Variants in MACROD2 observed in about 807,000 individuals in gnomAD.
MACROD2 encodes the protein mono-ADP ribosylhydrolase 2, also known as ADP-ribose glycohydrolase MACROD2.
A neutral mutation model predicts 70.4 loss-of-function variants in MACROD2; 36 were observed. The ratio of observed to expected loss-of-function variants is 0.51; its 90% CI spans 0.39 to 0.68. MACROD2 has a LOEUF of 0.68. MACROD2 is among the 30% of genes least tolerant of loss of function. The pLI, the probability that MACROD2 is intolerant of heterozygous loss-of-function variation, is 0.00. For missense variants in MACROD2, 496 were observed against 538.4 expected (o/e 0.92, Z 0.78); for synonymous variants, 172 against 178.8 (o/e 0.96, Z 0.30).
chr20:15,173,623 G>T (rs1473020939), intron 5 of MACROD2, among the ~76,000 whole-genome samples: 4 of 149,602 alleles, frequency 2.7e-5, no homozygotes, highest in African/African-American at 1.0e-4. Flanking sequence ...TTCAAGCTGT[G>T]TTTTAATTCA....
intron 4 of MACROD2, among the ~76,000 whole-genome samples, chr20:14,637,281 A>T (rs1267267763): frequency 6.6e-6 from 1 of 152,214 alleles, no homozygotes; most frequent in Non-Finnish European, 1.5e-5. Context: ...CTTTAAGAAG[A>T]AGAAAAAATC....
intron 10 of MACROD2, among the ~76,000 whole-genome samples, chr20:15,910,256 G>A (rs1206138145): frequency 6.6e-6 from 1 of 152,176 alleles, no homozygotes; most frequent in African/African-American, 2.4e-5. Context: ...AATCAAGTGT[G>A]AGCTTCAAGT....
intron 12 of MACROD2, among the ~76,000 whole-genome samples, chr20:15,956,966 A>G (rs1182598287): frequency 6.6e-6 from 1 of 152,248 alleles, no homozygotes; most frequent in African/African-American, 2.4e-5. Flanking sequence ...TGCAATTAAA[A>G]TTCACTTTCA....
chr20:14,006,484 T>G (rs1487866065), intron 2 of MACROD2, among the ~76,000 whole-genome samples: 3 of 152,332 alleles, frequency 2.0e-5, no homozygotes, highest in African/African-American at 7.2e-5. Flanking sequence ...ATGGCATATT[T>G]TTGTTGTTTT....
chr20:14,768,534 G>C (rs2072121977), intron 5 of MACROD2, among the ~76,000 whole-genome samples: 1 of 151,954 alleles, frequency 6.6e-6, no homozygotes, highest in African/African-American at 2.4e-5. Context: ...GCCTAGGCTT[G>C]TCTCAAGCAC....
At chr20:15,159,726 A>G (rs2076334604) in intron 5 of MACROD2, among the ~76,000 whole-genome samples, 2 of 151,908 alleles carry the variant, frequency 1.3e-5, no homozygotes, top group South Asian at 4.1e-4. Flanking sequence ...ATAATCTAGT[A>G]GAGGTGGTAT....
At chr20:14,404,618 A>G (rs1568597353) in intron 3 of MACROD2, among the ~76,000 whole-genome samples, 1 of 152,012 alleles carries the variant, frequency 6.6e-6, no homozygotes, top group Non-Finnish European at 1.5e-5. Context: ...ATAATAATAT[A>G]TTGAAACCCT....
chr20:15,500,969 A>G (rs894391133), intron 8 of MACROD2, among the ~76,000 whole-genome samples: 2 of 152,196 alleles, frequency 1.3e-5, no homozygotes, highest in Non-Finnish European at 2.9e-5. Flanking sequence ...TGTCTTTGAC[A>G]CATTTTATTT....
Position 14,790,153 on chromosome 20 carries a change from T to C in MACROD2, c.418+105194T>C, listed in dbSNP as rs184227337. Among the ~76,000 whole-genome samples, 6 of 152,266 alleles carry C rather than the reference T, an allele frequency of 3.9e-5. No homozygotes were observed. In the East Asian group the frequency reaches 1.2e-3, roughly 29 times the overall value. ...GCATATTTTATATAAACACTTCTTA[T>C]TTGTTTAGAAATAAAAACTGCATGT... is the stretch of plus-strand genomic sequence containing the variant. On this transcript the variant is annotated intron_variant, in intron 5 of 17. Transcript: ENST00000684519.
intron 4 of MACROD2, among the ~76,000 whole-genome samples, chr20:14,565,347 G>A (rs1259250736): frequency 2.8e-5 from 3 of 108,950 alleles, no homozygotes; most frequent in Non-Finnish European, 6.7e-5. Flanking sequence ...CTATAAAAAT[G>A]TAAAAAAAAA....
At chr20:15,404,898 C>A (rs1485295211) in intron 6 of MACROD2, among the ~76,000 whole-genome samples, 2 of 152,064 alleles carry the variant, frequency 1.3e-5, no homozygotes, top group Admixed American at 1.3e-4. Context: ...TAGCAAGAGT[C>A]TAAATATCTA....
chr20:14,658,843 A>G (rs1986096920), intron 4 of MACROD2, among the ~76,000 whole-genome samples: 1 of 152,204 alleles, frequency 6.6e-6, no homozygotes, highest in African/African-American at 2.4e-5. Context: ...CAAACTCCTG[A>G]GCTCAGGCAA....
At chr20:15,757,163 C>A (rs2051360206) in intron 8 of MACROD2, among the ~76,000 whole-genome samples, 1 of 151,908 alleles carries the variant, frequency 6.6e-6, no homozygotes, top group Admixed American at 6.6e-5. Flanking sequence ...AAAGTAAAAC[C>A]AAAACAAAAC....
intron 5 of MACROD2, among the ~76,000 whole-genome samples, chr20:14,794,158 C>T (rs543850886): frequency 5.3e-5 from 8 of 152,230 alleles, no homozygotes; most frequent in Non-Finnish European, 1.0e-4. Flanking sequence ...CTGGAGAACT[C>T]ACTGGCTCCT....
At chr20:15,071,709 T>C (rs955637844) in intron 5 of MACROD2, among the ~76,000 whole-genome samples, 11 of 152,164 alleles carry the variant, frequency 7.2e-5, no homozygotes, top group African/African-American at 2.7e-4. Context: ...AGAAAAACAA[T>C]GAACAGTGCT....
Position 14,476,315 on chromosome 20 carries a change from C to G in MACROD2, c.272-17164C>G, listed in dbSNP as rs534145940. The stretch of plus-strand genomic sequence containing the variant: ...GTCTTGACTACTGAGCTACTAATCA[C>G]TTTGTAGCTTAGAAATGAATAAATG... On this transcript the variant is annotated intron_variant, in intron 3 of 17. Transcript: ENST00000684519. Among the ~76,000 whole-genome samples, 206 of 152,252 alleles carry G rather than the reference C, an allele frequency of 1.4e-3. 2 individuals are homozygous for G. The highest frequency in any genetic ancestry group is 4.7e-3 in the African/African-American group (195 of 41,534).
intron 8 of MACROD2, among the ~76,000 whole-genome samples, chr20:15,596,384 A>G (rs2048746636): frequency 6.6e-6 from 1 of 152,180 alleles, no homozygotes; most frequent in Non-Finnish European, 1.5e-5. Context: ...AATGAAGTAC[A>G]TCATTCCACA....
chr20:15,225,098 C>T (rs2076894335), intron 5 of MACROD2, among the ~76,000 whole-genome samples: 1 of 151,848 alleles, frequency 6.6e-6, no homozygotes, highest in Non-Finnish European at 1.5e-5. Context: ...AAAAAATGCC[C>T]TCTTGTTCAT....
At chr20:14,467,978 T>C (rs1600270509) in intron 3 of MACROD2, among the ~76,000 whole-genome samples, 1 of 152,202 alleles carries the variant, frequency 6.6e-6, no homozygotes. Flanking sequence ...TGAGAGACTG[T>C]TTGTTATCAT....
Sources: gnomAD v4.1 joint callset for allele counts (sites outside exome capture counted in the v4.1 genomes callset) on GRCh38, gnomAD v4.1.1 for gene constraint, MANE v1.5 for transcripts, NCBI Gene and HGNC (gene_info 2026-07-23, HGNC 2026-07-21) for gene names.